COL26A1: variants seen among roughly 807,000 people sequenced by gnomAD.
The protein encoded by COL26A1 is collagen type XXVI alpha 1 chain.
COL26A1 carries 41 observed loss-of-function variants against 59.3 expected under a neutral mutation model. That is an observed-to-expected ratio of 0.69 (90% CI 0.54 to 0.90). The LOEUF (loss-of-function observed/expected upper bound fraction) is 0.90. Among genes scored for constraint, COL26A1 ranks in the 40% least tolerant of loss-of-function variants. The probability of loss-of-function intolerance (pLI) is 0.00; values close to 1 mark genes in which losing one functional copy is unlikely to be tolerated. For missense variants in COL26A1, 612 were observed against 602.3 expected, an observed-to-expected ratio of 1.02 and a Z score of -0.17; for synonymous variants, 266 against 256.0, an observed-to-expected ratio of 1.04 and a Z score of -0.37.
chr7:101,438,556 G>A (rs2130347714), intron 2 of COL26A1, among the ~76,000 whole-genome samples: 1 of 151,740 alleles, frequency 6.6e-6, no homozygotes, highest in Non-Finnish European at 1.5e-5. Flanking sequence ...CTGCCGCACA[G>A]TCTCTGGTGG....
intron 10 of COL26A1, among the ~76,000 whole-genome samples, chr7:101,552,424 A>G (rs1795880164): frequency 6.6e-6 from 1 of 152,018 alleles, no homozygotes; most frequent in Non-Finnish European, 1.5e-5. Context: ...ACCCTGGACA[A>G]CATAGTGAGA....
intron 6 of COL26A1, 137 bp from the exon 7 acceptor site, chr7:101,545,201 G>A: frequency 1.4e-6 from 1 of 695,574 alleles, no homozygotes; most frequent in Non-Finnish European, 2.3e-6. Flanking sequence ...GAAGACTGTG[G>A]ATCGGAGGTC....
chr7:101,377,027 T>A (rs1324046128), intron 1 of COL26A1, among the ~76,000 whole-genome samples: 1 of 151,994 alleles, frequency 6.6e-6, no homozygotes, highest in Non-Finnish European at 1.5e-5. Context: ...CCTGGCTAAC[T>A]GTTGTATGTT....
At chr7:101,447,601 C>T in intron 2 of COL26A1, 83 bp from the exon 3 acceptor site, 1 of 978,400 alleles carries the variant, frequency 1.0e-6, no homozygotes, top group Non-Finnish European at 1.6e-6. Flanking sequence ...CTGGGCAAAA[C>T]AGCCTGGCCC....
chr7:101,463,728 T>A (rs1397000016), intron 3 of COL26A1, among the ~76,000 whole-genome samples: 1 of 108,526 alleles, frequency 9.2e-6, no homozygotes. Flanking sequence ...TTCCCCTCCC[T>A]CTCTCCCCCC....
chr7:101,506,926 T>A (rs2130573931), intron 3 of COL26A1, among the ~76,000 whole-genome samples: 1 of 138,698 alleles, frequency 7.2e-6, no homozygotes, highest in South Asian at 2.2e-4. Flanking sequence ...CTAGAACCAC[T>A]CCTTTTTTTT....
At chr7:101,395,137 T>G (rs911388234) in intron 1 of COL26A1, among the ~76,000 whole-genome samples, 2 of 152,096 alleles carry the variant, frequency 1.3e-5, no homozygotes, top group African/African-American at 4.8e-5. Flanking sequence ...CCTCCCAAAG[T>G]GCTGGGATTG....
intron 1 of COL26A1, among the ~76,000 whole-genome samples, chr7:101,417,678 A>G (rs1332151732): frequency 1.7e-5 from 1 of 60,350 alleles, no homozygotes; most frequent in East Asian, 3.8e-4. Context: ...ATATCTCTAT[A>G]TCTAGACATA....
chr7:101,407,856 TC>T (rs1420199070), intron 1 of COL26A1, among the ~76,000 whole-genome samples: 4 of 152,150 alleles, frequency 2.6e-5, no homozygotes, highest in African/African-American at 9.7e-5. Flanking sequence ...TACCACTTAA[TC>T]ATATGCAAAT....
At chr7:101,533,394 C>A (rs1438271375) in intron 4 of COL26A1, among the ~76,000 whole-genome samples, 1 of 151,908 alleles carries the variant, frequency 6.6e-6, no homozygotes, top group African/African-American at 2.4e-5. Context: ...GCTCCCAGGA[C>A]CCGGGGGCTG....
intron 2 of COL26A1, among the ~76,000 whole-genome samples, chr7:101,436,017 C>T (rs1428148284): frequency 6.6e-6 from 1 of 152,224 alleles, no homozygotes; most frequent in Non-Finnish European, 1.5e-5. Context: ...TCTTCCCTGC[C>T]TCTCCTCCTT....
Position 101,363,047 on chromosome 7 carries a change from G to A in COL26A1, c.15G>A (p.Leu5=). 6.3e-7 allele frequency: 1 copy of A among 1,581,048 alleles called. No homozygotes were observed. The highest frequency in any genetic ancestry group is 8.5e-7 in the Non-Finnish European group (1 of 1,172,546). The change falls in exon 1 of 13, where the codon CTG becomes CTA. Residue 5 remains leucine, a synonymous_variant. Transcript: ENST00000313669. ...TGCTGCGCACGATGAAGCTGGCCCT[G>A]CTCCTGCCCTGGGCGTGTTGCTGCC... MKLA[L]LLPWACCCLC...
At chr7:101,501,003 G>A (rs1794692544) in intron 3 of COL26A1, among the ~76,000 whole-genome samples, 1 of 151,222 alleles carries the variant, frequency 6.6e-6, no homozygotes. Context: ...CCAACACGGT[G>A]AAACCCTGTC....
At chr7:101,549,074 AC>A in intron 8 of COL26A1, 96 bp from the exon 9 acceptor site, 1 of 598,574 alleles carries the variant, frequency 1.7e-6, no homozygotes, top group East Asian at 3.2e-5. Context: ...ACCCTCCTTT[AC>A]TTCCCATGGA....
At chr7:101,505,236 GTA>G (rs34484590) in intron 3 of COL26A1, among the ~76,000 whole-genome samples, 14,354 of 151,998 alleles carry the variant, frequency 0.094, 676 homozygotes, top group South Asian at 0.1. Flanking sequence ...GCAGAAGTGT[GTA>G]TGTGTGTTGT....
chr7:101,365,959 A>G (rs768220122), intron 1 of COL26A1, among the ~76,000 whole-genome samples: 5 of 152,162 alleles, frequency 3.3e-5, no homozygotes, highest in Admixed American at 6.6e-5. Context: ...GAAACTTGGA[A>G]GGGATCATTT....
chr7:101,427,117 G>A (rs945484911), intron 2 of COL26A1, among the ~76,000 whole-genome samples: 1 of 152,330 alleles, frequency 6.6e-6, no homozygotes, highest in Non-Finnish European at 1.5e-5. Context: ...GGAGTGCAGT[G>A]GCACAATCAT....
intron 3 of COL26A1, among the ~76,000 whole-genome samples, chr7:101,511,367 G>A (rs927133765): frequency 1.3e-5 from 2 of 152,198 alleles, no homozygotes; most frequent in Non-Finnish European, 2.9e-5. Flanking sequence ...TTCAGGGCTG[G>A]GTCTCCTGGA....
At chr7:101,517,452 C>T (rs1795050401) in intron 3 of COL26A1, among the ~76,000 whole-genome samples, 1 of 152,202 alleles carries the variant, frequency 6.6e-6, no homozygotes, top group Non-Finnish European at 1.5e-5. Flanking sequence ...TGACTTGCTC[C>T]TCCTTGCCTT....
Sources: allele counts gnomAD v4.1 joint callset (sites outside exome capture counted in the v4.1 genomes callset), GRCh38; gene constraint gnomAD v4.1.1; transcripts MANE v1.5; gene names NCBI Gene and HGNC (gene_info 2026-07-23, HGNC 2026-07-21).